Variants in RASA2 observed in about 807,000 individuals in gnomAD.
The protein encoded by RASA2 is ras GTPase-activating protein 2.
A neutral mutation model predicts 118.2 loss-of-function variants in RASA2; 155 were observed. That is an observed-to-expected ratio of 1.31 (90% CI 1.15 to 1.50). The LOEUF (loss-of-function observed/expected upper bound fraction) is 1.50. Ranked by LOEUF, RASA2 falls within the 40% of genes most tolerant of loss-of-function variation. The probability of loss-of-function intolerance (pLI) is 0.00; values close to 1 mark genes in which losing one functional copy is unlikely to be tolerated. For synonymous variants in RASA2, 353 were observed against 349.1 expected (o/e 1.01, Z -0.12); for missense variants, 1,016 against 1,009.6 (o/e 1.01, Z -0.09).
At chr3:141,568,380 T>C (rs1459814506) in intron 9 of RASA2, among the ~76,000 whole-genome samples, 1 of 151,926 alleles carries the variant, frequency 6.6e-6, no homozygotes, top group Non-Finnish European at 1.5e-5. Flanking sequence ...AAAATCTATA[T>C]AAAATTATAT....
chr3:141,551,228 T>C (rs542592325), intron 5 of RASA2, among the ~76,000 whole-genome samples: 2 of 152,210 alleles, frequency 1.3e-5, no homozygotes, highest in Non-Finnish European at 2.9e-5. Flanking sequence ...AGAAACAGTT[T>C]GATCCTTTTG....
chr3:141,579,076 T>G (rs2083058797), intron 15 of RASA2, among the ~76,000 whole-genome samples: 1 of 152,160 alleles, frequency 6.6e-6, no homozygotes, highest in South Asian at 2.1e-4. Flanking sequence ...TATATTCTGG[T>G]CATCTCTTCC....
At chr3:141,601,207 G>A (rs2083457431) in intron 19 of RASA2, among the ~76,000 whole-genome samples, 1 of 152,122 alleles carries the variant, frequency 6.6e-6, no homozygotes, top group African/African-American at 2.4e-5. Flanking sequence ...CAGACAGATT[G>A]CCTGATCTCA....
At chr3:141,517,708 C>G (rs2082048559) in intron 3 of RASA2, among the ~76,000 whole-genome samples, 1 of 152,088 alleles carries the variant, frequency 6.6e-6, no homozygotes, top group African/African-American at 2.4e-5. Flanking sequence ...GGCTGGAGTT[C>G]AGTGGCGCGA....
chr3:141,543,159 G>A (rs966520198), intron 5 of RASA2, among the ~76,000 whole-genome samples: 2 of 151,188 alleles, frequency 1.3e-5, no homozygotes, highest in African/African-American at 4.9e-5. Flanking sequence ...ATTCCATTTT[G>A]ATTTATTTAT....
intron 5 of RASA2, among the ~76,000 whole-genome samples, chr3:141,549,390 A>C (rs1287795998): frequency 6.6e-6 from 1 of 151,870 alleles, no homozygotes; most frequent in Non-Finnish European, 1.5e-5. Flanking sequence ...CCCATACCCC[A>C]GTCCTTTTTA....
chr3:141,589,076 G>A (rs549771858), intron 19 of RASA2, among the ~76,000 whole-genome samples: 2 of 152,120 alleles, frequency 1.3e-5, no homozygotes, highest in East Asian at 1.9e-4. Flanking sequence ...TCCTGACCTC[G>A]TGACCTGCCC....
chr3:141,604,784 A>G (rs2083521289), intron 19 of RASA2, among the ~76,000 whole-genome samples: 1 of 151,604 alleles, frequency 6.6e-6, no homozygotes, highest in African/African-American at 2.4e-5. Flanking sequence ...GAGGGATGGC[A>G]TTAGGAAATA....
chr3:141,585,904 A>G (rs913286985), intron 17 of RASA2, 121 bp from the exon 18 acceptor site: 6 of 612,526 alleles, frequency 9.8e-6, no homozygotes, highest in African/African-American at 1.9e-5. Flanking sequence ...ATAAATTACT[A>G]TTATGTGTAT....
At chr3:141,575,574 G>A (rs1287966079) in intron 14 of RASA2, among the ~76,000 whole-genome samples, 1 of 152,184 alleles carries the variant, frequency 6.6e-6, no homozygotes, top group Non-Finnish European at 1.5e-5. Flanking sequence ...CATTAGGTGA[G>A]AAACTAAGGT....
chr3:141,504,207 G>A (rs2081828459), intron 1 of RASA2, among the ~76,000 whole-genome samples: 2 of 152,122 alleles, frequency 1.3e-5, no homozygotes, highest in Non-Finnish European at 1.5e-5. Flanking sequence ...GAGCCCTGAG[G>A]CTCAGTCTTC....
chr3:141,522,922 T>C (rs1577679010), intron 3 of RASA2, among the ~76,000 whole-genome samples: 1 of 152,212 alleles, frequency 6.6e-6, no homozygotes, highest in East Asian at 1.9e-4. Context: ...TCTCCATTTT[T>C]ATTCCTGAGT....
intron 19 of RASA2, among the ~76,000 whole-genome samples, chr3:141,589,598 T>C (rs1280705266): frequency 2.0e-5 from 3 of 152,116 alleles, no homozygotes; most frequent in Non-Finnish European, 4.4e-5. Flanking sequence ...ATCCCAACAC[T>C]TTGGGAGGCT....
chr3:141,511,621 G>T (rs1018567277), intron 1 of RASA2, among the ~76,000 whole-genome samples: 4 of 152,170 alleles, frequency 2.6e-5, no homozygotes, highest in Admixed American at 2.0e-4. Flanking sequence ...AGTGTCCTCA[G>T]CTAGAGCAGT....
chr3:141,583,164 C>G (rs2083142981), intron 17 of RASA2, among the ~76,000 whole-genome samples: 1 of 152,106 alleles, frequency 6.6e-6, no homozygotes, highest in African/African-American at 2.4e-5. Flanking sequence ...TGGCTCATGC[C>G]TGTAATCCCA....
intron 9 of RASA2, among the ~76,000 whole-genome samples, chr3:141,568,471 T>G (rs1428426408): frequency 1.3e-5 from 2 of 151,972 alleles, no homozygotes; most frequent in Non-Finnish European, 2.9e-5. Context: ...AATGGTAGTG[T>G]TTTGAAGATA....
At chr3:141,511,685 G>T (rs984044978) in intron 1 of RASA2, among the ~76,000 whole-genome samples, 2 of 152,120 alleles carry the variant, frequency 1.3e-5, no homozygotes, top group African/African-American at 4.8e-5. Flanking sequence ...AGAATGAATG[G>T]AAGGTAAGAA....
intron 1 of RASA2, among the ~76,000 whole-genome samples, chr3:141,493,003 G>A (rs1371930280): frequency 6.6e-6 from 1 of 152,106 alleles, no homozygotes; most frequent in African/African-American, 2.4e-5. Flanking sequence ...TTTAAAGCTG[G>A]AAGGTAGAGA....
At chr3:141,548,830 T>C (rs1413802162) in intron 5 of RASA2, among the ~76,000 whole-genome samples, 1 of 152,214 alleles carries the variant, frequency 6.6e-6, no homozygotes, top group East Asian at 1.9e-4. Flanking sequence ...TCTTTTTCCG[T>C]GACCTATTGC....
Sources: gnomAD v4.1 joint callset for allele counts (sites outside exome capture counted in the v4.1 genomes callset) on GRCh38, gnomAD v4.1.1 for gene constraint, MANE v1.5 for transcripts, NCBI Gene and HGNC (gene_info 2026-07-23, HGNC 2026-07-21) for gene names.